Variants in RAB5A observed in about 807,000 individuals in gnomAD.
RAB5A encodes the protein RAB5A, member RAS oncogene family, also known as ras-related protein Rab-5A.
RAB5A carries 8 observed loss-of-function variants against 25.7 expected under a neutral mutation model. That is an observed-to-expected ratio of 0.31 (90% CI 0.18 to 0.56). RAB5A has a LOEUF of 0.56. Among genes scored for constraint, RAB5A ranks in the 20% least tolerant of loss-of-function variants. The pLI, the probability that RAB5A is intolerant of heterozygous loss-of-function variation, is 0.91. For synonymous variants in RAB5A, 98 were observed against 89.8 expected (o/e 1.09, Z -0.52); for missense variants, 192 against 259.7 (o/e 0.74, Z 1.79).
intron 4 of RAB5A, 148 bp downstream of exon 4, chr3:19,976,317 T>C (rs1247090985): frequency 1.1e-6 from 1 of 895,170 alleles, no homozygotes; most frequent in African/African-American, 1.8e-5. Context: ...CTACATATAA[T>C]AAAATGTTTC....
chr3:19,984,102 T>C lies in RAB5A; in HGVS notation c.*279T>C. The C allele has an allele frequency of 2.4e-6, 1 of 412,288 alleles. No individual in the cohort carries two copies. The highest frequency in any genetic ancestry group is 4.5e-6 in the Non-Finnish European group (1 of 221,410). The allele number at this position is 412,288 out of a possible 1,614,324, so 25.5% of individuals were successfully genotyped here. On this transcript the variant is annotated 3_prime_UTR_variant, in exon 6 of 6. Transcript: ENST00000273047. Reference sequence around the variant, plus strand: ...GAATAATTTCTCATCACTAGGAATATAGACAAATGACTGTCTGGGCCCACA... The same window carrying C: ...GAATAATTTCTCATCACTAGGAATACAGACAAATGACTGTCTGGGCCCACA...
chr3:19,952,626 A>G (rs1218152804), intron 2 of RAB5A, among the ~76,000 whole-genome samples: 1 of 152,202 alleles, frequency 6.6e-6, no homozygotes, highest in Non-Finnish European at 1.5e-5. Context: ...AAAATGTTAT[A>G]TTAGAATGTT....
chr3:19,974,271 C>G (rs1264314285), intron 2 of RAB5A, among the ~76,000 whole-genome samples: 3 of 151,886 alleles, frequency 2.0e-5, no homozygotes, highest in Non-Finnish European at 2.9e-5. Context: ...TCTCCTGCCT[C>G]AGCCTCCCGA....
intron 2 of RAB5A, among the ~76,000 whole-genome samples, chr3:19,951,503 A>G (rs760344065): frequency 6.6e-6 from 1 of 152,188 alleles, no homozygotes; most frequent in Non-Finnish European, 1.5e-5. Context: ...GTAAAATTAA[A>G]TGTAATTAAA....
chr3:19,960,335 C>T (rs917709480), intron 2 of RAB5A, among the ~76,000 whole-genome samples: 1 of 152,156 alleles, frequency 6.6e-6, no homozygotes, highest in Non-Finnish European at 1.5e-5. Flanking sequence ...TGGGGTCTCG[C>T]TCTGTGCTAG....
chr3:19,984,642 A>G lies in RAB5A; in HGVS notation c.*819A>G, dbSNP rs756691250. 1.2e-4 allele frequency: 20 copies of G among 160,976 alleles called. No homozygotes were observed. Among genetic ancestry groups the G allele is most frequent in the Non-Finnish European group, 2.7e-4 (20 of 73,874 alleles). The allele number at this position is 160,976 out of a possible 1,614,324, so 10.0% of individuals were successfully genotyped here. ...GGGGCTTTTGTTCCCTTTTGACATA[A>G]TATAGTCAATGCACTAACAATTATG... On this transcript the variant is annotated 3_prime_UTR_variant, in exon 6 of 6. Coordinates refer to ENST00000273047, the MANE Select transcript of RAB5A (RefSeq NM_004162.5).
intron 2 of RAB5A, among the ~76,000 whole-genome samples, chr3:19,967,842 G>A (rs773149690): frequency 6.6e-6 from 1 of 151,886 alleles, no homozygotes; most frequent in African/African-American, 2.4e-5. Context: ...CACGACTGTC[G>A]CTTCTGCAGT....
At chr3:19,970,544 A>G (rs992724958) in intron 2 of RAB5A, 1 of 456,606 alleles carries the variant, frequency 2.2e-6, no homozygotes, top group Non-Finnish European at 4.4e-6. Flanking sequence ...CATCGCGTAC[A>G]CAGTAACTCT....
At chr3:19,954,963 A>G (rs1349327027) in intron 2 of RAB5A, among the ~76,000 whole-genome samples, 1 of 152,198 alleles carries the variant, frequency 6.6e-6, no homozygotes, top group African/African-American at 2.4e-5. Flanking sequence ...TTTGCATGAC[A>G]TTTATGTTTC....
chr3:19,974,586 A>G (rs1696795534), intron 2 of RAB5A, among the ~76,000 whole-genome samples: 1 of 152,142 alleles, frequency 6.6e-6, no homozygotes, highest in Non-Finnish European at 1.5e-5. Flanking sequence ...TAAGGTAATA[A>G]TGACTACCAC....
intron 1 of RAB5A, among the ~76,000 whole-genome samples, chr3:19,948,785 T>C (rs932937277): frequency 6.6e-6 from 1 of 152,170 alleles, no homozygotes; most frequent in Non-Finnish European, 1.5e-5. Context: ...CCCTAAAATT[T>C]TGGAAGTGCC....
intron 2 of RAB5A, among the ~76,000 whole-genome samples, chr3:19,966,527 C>T (rs1696664726): frequency 6.6e-6 from 1 of 152,140 alleles, no homozygotes; most frequent in South Asian, 2.1e-4. Context: ...TAAGTTCCTG[C>T]TTTCACTACT....
At chr3:19,971,214 A>C (rs919767654) in intron 2 of RAB5A, among the ~76,000 whole-genome samples, 1 of 96,924 alleles carries the variant, frequency 1.0e-5, no homozygotes, top group Non-Finnish European at 2.6e-5. Context: ...AAAAAAAAAA[A>C]ACACTATAGT....
rs1237450209 is a variant in RAB5A, at chr3:19,983,946, T to G, written c.*123T>G. 3.0e-6 allele frequency: 2 copies of G among 666,582 alleles called. No homozygotes were observed. The highest frequency in any genetic ancestry group is 1.8e-5 in the African/African-American group (1 of 54,486). The allele number at this position is 666,582 out of a possible 1,614,324, so 41.3% of individuals were successfully genotyped here. A position where few individuals can be genotyped will look rare whatever the true frequency, so the allele number is the denominator to read the frequency against. ...AAGAGACTTATGATAGAGTCAAGTT[T>G]CTAATACAGAATTATTTTAAGTGTT... is the stretch of plus-strand genomic sequence containing the variant. On this transcript the variant is annotated 3_prime_UTR_variant, in exon 6 of 6. Transcript: ENST00000273047.
chr3:19,959,915 G>A (rs956007889), intron 2 of RAB5A, among the ~76,000 whole-genome samples: 8 of 152,118 alleles, frequency 5.3e-5, no homozygotes, highest in Middle Eastern at 3.4e-3. Context: ...ATGAGCCACC[G>A]CGCTAGGCTG....
intron 2 of RAB5A, among the ~76,000 whole-genome samples, chr3:19,968,601 G>A (rs1328829929): frequency 6.6e-6 from 1 of 152,072 alleles, no homozygotes; most frequent in Non-Finnish European, 1.5e-5. Context: ...TGGTACTACA[G>A]GCACGTGCCA....
At chr3:19,979,306 T>C (rs1163996545) in intron 5 of RAB5A, among the ~76,000 whole-genome samples, 4 of 143,392 alleles carry the variant, frequency 2.8e-5, no homozygotes, top group Non-Finnish European at 6.1e-5. Flanking sequence ...TTTTTTGAAA[T>C]GGAGTCCTGC....
At chr3:19,982,492 T>G (rs992113847) in intron 5 of RAB5A, among the ~76,000 whole-genome samples, 1 of 152,182 alleles carries the variant, frequency 6.6e-6, no homozygotes, top group African/African-American at 2.4e-5. Context: ...AATGCAACTC[T>G]TATCTATTTC....
intron 2 of RAB5A, among the ~76,000 whole-genome samples, chr3:19,975,326 A>C (rs1005317313): frequency 3.3e-5 from 5 of 152,188 alleles, no homozygotes; most frequent in African/African-American, 1.2e-4. Context: ...TTCACTACAA[A>C]GGCCCTATAT....
Sources: allele counts gnomAD v4.1 joint callset (sites outside exome capture counted in the v4.1 genomes callset), GRCh38; gene constraint gnomAD v4.1.1; transcripts MANE v1.5; gene names NCBI Gene and HGNC (gene_info 2026-07-23, HGNC 2026-07-21).